The following NOS1 variants were observed in gnomAD, a reference collection of about 807,000 sequenced individuals.
The protein encoded by NOS1 is nitric oxide synthase 1, also known as NOS type I.
A neutral mutation model predicts 164.5 loss-of-function variants in NOS1; 51 were observed. That is an observed-to-expected ratio of 0.31 (90% confidence interval 0.25 to 0.39). NOS1 has a LOEUF of 0.39. Ranked by LOEUF, NOS1 falls within the 10% of genes least tolerant of loss-of-function variation. The pLI is 1.00. For missense variants in NOS1, 1,362 were observed against 1,885.6 expected, an observed-to-expected ratio of 0.72 and a Z score of 5.14; for synonymous variants, 719 against 745.8, an observed-to-expected ratio of 0.96 and a Z score of 0.59.
At chr12:117,241,906 G>A (rs199504362) in intron 20 of NOS1, among the ~76,000 whole-genome samples, 2 of 152,342 alleles carry the variant, frequency 1.3e-5, no homozygotes, top group East Asian at 3.9e-4. Flanking sequence ...CAGCAGGACA[G>A]AGTGTGTCCT....
chr12:117,349,454 C>A (rs189951148), intron 1 of NOS1, among the ~76,000 whole-genome samples: 40 of 152,308 alleles, frequency 2.6e-4, no homozygotes, highest in Non-Finnish European at 3.8e-4. Context: ...TGTTTGAATA[C>A]TTCTTTTCAA....
rs568575497 is a variant in NOS1 at position 117,331,232 on chromosome 12, C to T, written c.-163G>A. 2 of 820,072 alleles carry T rather than the reference C, an allele frequency of 2.4e-6. No homozygotes were observed. The highest frequency in any genetic ancestry group is 2.8e-5 in the Admixed American group (1 of 36,274). The allele number at this position is 820,072 out of a possible 1,614,324, so 50.8% of individuals were successfully genotyped here. On this transcript the variant is annotated 5_prime_UTR_variant, in exon 2 of 29. Coordinates refer to ENST00000317775, the MANE Select transcript of NOS1 (RefSeq NM_000620.5). The stretch of plus-strand genomic sequence containing the variant: ...CTCTCTGTCTTTGACGTCAGCTCAG[C>T]GTCACCCACTCATGGCTGGTGGCCC...
In NOS1 at chr12:117,288,140, C is replaced by T. The variant is rs745999473; in HGVS notation, c.1061G>A (p.Arg354His). ...SQHARRPEDV[R>H]TKGQLFPLAK... is the part of the protein sequence containing the mutation. The stretch of plus-strand genomic sequence containing the variant: ...GAGAGGGAAGAGCTGTCCTTTTGTG[C>T]GGACGTCTTCAGGCCTCCTTGCATG... Residue 354 changes from arginine (R) to histidine (H), a missense_variant, in exon 5 of 29, where the codon CGC (arginine) becomes CAC (histidine). By Grantham distance (29) the Arg-to-His change is conservative. Coordinates refer to ENST00000317775, the MANE Select transcript of NOS1 (RefSeq NM_000620.5). The T allele has an allele frequency of 8.7e-6, 14 of 1,613,940 alleles. No individual in the cohort carries two copies. The highest frequency in any genetic ancestry group is 4.0e-5 in the African/African-American group (3 of 74,890).
intron 11 of NOS1, among the ~76,000 whole-genome samples, chr12:117,266,105 T>G (rs1321932762): frequency 1.3e-5 from 2 of 152,002 alleles, no homozygotes; most frequent in African/African-American, 4.8e-5. Context: ...GGCCTTTTTC[T>G]TTTTCTATTT....
In NOS1 at chr12:117,227,566, T is replaced by C. The variant is rs1384183771; in HGVS notation, c.3481A>G (p.Ile1161Val). ...IVEVLEEFPSIQMPATLLLTQ... is the reference protein window; with the variant it reads ...IVEVLEEFPSVQMPATLLLTQ... ...AGGAGCAGGGTGGCCGGCATCTGGA[T>C]AGATGGGAACTCCTCCAGCACCTCC... Residue 1161 changes from isoleucine (I) to valine (V), a missense_variant, in exon 23 of 29, where the codon ATC becomes GTC. Transcript: ENST00000317775. 4 of 1,613,644 alleles carry C rather than the reference T, an allele frequency of 2.5e-6. No individual in the cohort carries two copies. The highest frequency in any genetic ancestry group is 2.2e-5 in the South Asian group (2 of 91,016).
At chr12:117,322,335 TTCCCTCCC>T (rs1875002674) in intron 2 of NOS1, among the ~76,000 whole-genome samples, 1 of 127,670 alleles carries the variant, frequency 7.8e-6, no homozygotes, top group Non-Finnish European at 1.7e-5. Flanking sequence ...CCCTCCTTCC[TTCCCTCCC>T]TCCTTCCATC....
chr12:117,324,673 G>A (rs756021077), intron 2 of NOS1, among the ~76,000 whole-genome samples: 30 of 151,866 alleles, frequency 2.0e-4, no homozygotes, highest in African/African-American at 6.8e-4. Flanking sequence ...CCATCATGGC[G>A]CCACTGCACT....
chr12:117,351,021 G>A (rs1186083961), intron 1 of NOS1, among the ~76,000 whole-genome samples: 1 of 152,222 alleles, frequency 6.6e-6, no homozygotes, highest in Admixed American at 6.5e-5. Context: ...GGCTGATGCA[G>A]GAGAATGGCG....
rs1342971913 is a variant in NOS1, at chr12:117,265,213, T to C, written c.2136+103A>G. Reference sequence around the variant, plus strand: ...GGTAGCCACCAGCCACATGTGGCTATTGAGTGTCCAGAGCACTAGCCTGGG... The same window carrying C: ...GGTAGCCACCAGCCACATGTGGCTACTGAGTGTCCAGAGCACTAGCCTGGG... On this transcript the variant is annotated intron_variant, in intron 12 of 28. Coordinates refer to ENST00000317775, the MANE Select transcript of NOS1 (RefSeq NM_000620.5). The C allele has an allele frequency of 6.9e-6, 7 of 1,019,894 alleles. No individual in the cohort carries two copies. In the African/African-American group the frequency reaches 8.1e-5, roughly 12 times the overall value. The allele number at this position is 1,019,894 out of a possible 1,614,324, so 63.2% of individuals were successfully genotyped here. A position where few individuals can be genotyped will look rare whatever the true frequency, so the allele number is the denominator to read the frequency against.
intron 26 of NOS1, 71 bp downstream of exon 26, chr12:117,222,644 T>C: frequency 7.0e-7 from 1 of 1,438,044 alleles, no homozygotes; most frequent in South Asian, 1.2e-5. Flanking sequence ...GGGTGAGGGG[T>C]TTCTGAGAGT....
intron 3 of NOS1, among the ~76,000 whole-genome samples, chr12:117,295,550 A>G (rs994578546): frequency 5.3e-5 from 8 of 151,502 alleles, no homozygotes; most frequent in Non-Finnish European, 1.0e-4. Flanking sequence ...GTTGAATTCC[A>G]GTGGCTGACC....
rs2293044 is a variant in NOS1, at chr12:117,220,186, G to C, written c.4059C>G (p.Val1353=). Residue 1353 remains valine (V), a synonymous_variant, in exon 27 of 29, where the codon GTC becomes GTG. Transcript: ENST00000317775. ...ALKEQGGHIY[V]CGDVTMAADV... ...CAGCAGCCATGGTGACGTCCCCACAGACGTATATGTGGCCCCCTTGCTCCT... is the reference window on the plus strand; with the variant it reads ...CAGCAGCCATGGTGACGTCCCCACACACGTATATGTGGCCCCCTTGCTCCT... 6.2e-7 allele frequency: 1 copy of C among 1,613,976 alleles called. No homozygotes were observed. The highest frequency in any genetic ancestry group is 8.5e-7 in the Non-Finnish European group (1 of 1,180,012).
At chr12:117,352,381 C>T (rs1003252086) in intron 1 of NOS1, among the ~76,000 whole-genome samples, 5 of 152,070 alleles carry the variant, frequency 3.3e-5, no homozygotes, top group Non-Finnish European at 7.4e-5. Context: ...TGGGCTATAC[C>T]GCCAGCCACG....
chr12:117,259,824 A>C (rs1871742099), intron 14 of NOS1, among the ~76,000 whole-genome samples: 1 of 152,198 alleles, frequency 6.6e-6, no homozygotes, highest in African/African-American at 2.4e-5. Flanking sequence ...CACAGCAATG[A>C]AAACCATCGA....
intron 17 of NOS1, among the ~76,000 whole-genome samples, chr12:117,251,735 C>G (rs543056599): frequency 9.9e-4 from 150 of 151,306 alleles, no homozygotes; most frequent in African/African-American, 3.6e-3. Context: ...CTGGTCTTGG[C>G]AAACTTTTTT....
rs953408116 is a variant in NOS1, at chr12:117,331,193, AC to A, written c.-125del. 22 of 1,260,038 alleles carry A rather than the reference AC, an allele frequency of 1.7e-5. No individual in the cohort carries two copies. The African/African-American group carries it at 3.0e-4, about 17-fold the overall frequency. The allele number at this position is 1,260,038 out of a possible 1,614,324, so 78.1% of individuals were successfully genotyped here. ...GCAGGAGCCGGGGTGACAGGTGCTG[AC>A]AAGGCTTCAGCCCTCTCTGTCTTTG... is the stretch of plus-strand genomic sequence containing the variant. On this transcript the variant is annotated 5_prime_UTR_variant, in exon 2 of 29. Transcript: ENST00000317775.
At chr12:117,242,482 A>G in intron 20 of NOS1, 145 bp downstream of exon 20, 1 of 680,754 alleles carries the variant, frequency 1.5e-6, no homozygotes, top group South Asian at 1.8e-5. Flanking sequence ...GGAACCCCAG[A>G]CACTATAAAG....
chr12:117,343,364 A>G (rs189100581), intron 1 of NOS1, among the ~76,000 whole-genome samples: 116 of 152,324 alleles, frequency 7.6e-4, no homozygotes, highest in Non-Finnish European at 1.5e-3. Flanking sequence ...ATGAATAGTA[A>G]TAATTTAGTT....
intron 3 of NOS1, among the ~76,000 whole-genome samples, chr12:117,302,510 C>T (rs1406844645): frequency 1.4e-5 from 2 of 145,782 alleles, no homozygotes; most frequent in Admixed American, 7.1e-5. Context: ...AGGAGAATGG[C>T]GTGAACCCCA....
Sources: gnomAD v4.1 joint callset for allele counts (sites outside exome capture counted in the v4.1 genomes callset) on GRCh38, gnomAD v4.1.1 for gene constraint, MANE v1.5 for transcripts, NCBI Gene and HGNC (gene_info 2026-07-23, HGNC 2026-07-21) for gene names.